BACC1: variants seen among roughly 807,000 people sequenced by gnomAD.
The protein encoded by BACC1 is BPTF associated chromatin complex component 1.
the BACC1 span, chr17:7,015,098 A>G: frequency 6.3e-7 from 1 of 1,575,220 alleles, no homozygotes; most frequent in Non-Finnish European, 8.6e-7. Context: ...CGCCGCCTTC[A>G]CGAAGCTCGG....
chr17:7,017,029 C>G, the BACC1 span: 1 of 1,599,834 alleles, frequency 6.3e-7, no homozygotes. Context: ...GAGTCCTCCT[C>G]CTCCCACACA....
At chr17:7,015,311 A>G in the BACC1 span, 1 of 1,378,330 alleles carries the variant, frequency 7.3e-7, no homozygotes. Flanking sequence ...TGGGTGAGGG[A>G]ATGAATGACA....
At chr17:7,015,599 C>G in the BACC1 span, 1 of 1,378,522 alleles carries the variant, frequency 7.3e-7, no homozygotes, top group East Asian at 2.5e-5. Flanking sequence ...CTCCCGGTTC[C>G]CGCAGGGCCT....
At chr17:7,015,740 C>A in the BACC1 span, 1 of 1,590,650 alleles carries the variant, frequency 6.3e-7, no homozygotes, top group South Asian at 1.1e-5. Context: ...CCCCCCCTCC[C>A]ATTTTTGCTA....
At chr17:7,015,071 ATCT>A in the BACC1 span, 16 of 1,556,834 alleles carry the variant, frequency 1.0e-5, no homozygotes, top group African/African-American at 7.0e-5. Context: ...GGTCGGAGAG[ATCT>A]TCTCGGCGGC....
chr17:7,016,994 A>C, the BACC1 span: 1 of 1,613,862 alleles, frequency 6.2e-7, no homozygotes, highest in Non-Finnish European at 8.5e-7. Context: ...CCTCCAGCTA[A>C]GAAACTCAAC....
chr17:7,014,855 GC>G, the BACC1 span: 7 of 1,537,810 alleles, frequency 4.6e-6, no homozygotes, highest in Non-Finnish European at 6.1e-6. The surrounding 1 kb of genome is among the most constrained non-coding windows in gnomAD (Gnocchi z 4.5). Flanking sequence ...GGCGCGCGGG[GC>G]CATGACGTCA....
chr17:7,015,141 A>G, the BACC1 span: 1 of 1,578,342 alleles, frequency 6.3e-7, no homozygotes, highest in African/African-American at 1.4e-5. Context: ...CCCGTGGCCG[A>G]CTCTTCTCCT....
chr17:7,015,989 C>T, the BACC1 span: 2 of 842,364 alleles, frequency 2.4e-6, no homozygotes, highest in Non-Finnish European at 3.8e-6. Context: ...TACTTTGTCA[C>T]TAGTTTTTTA....
the BACC1 span, chr17:7,014,799 T>C: frequency 6.6e-7 from 1 of 1,520,882 alleles, no homozygotes; most frequent in Non-Finnish European, 8.8e-7. This position sits in a 1 kb window ranked among gnomAD's most constrained non-coding sequence, Gnocchi z 4.5. Flanking sequence ...CTGCTCTCCG[T>C]GGTCCCGGCT....
At chr17:7,016,528 A>G in the BACC1 span, 5 of 1,614,154 alleles carry the variant, frequency 3.1e-6, no homozygotes, top group African/African-American at 1.3e-5. Flanking sequence ...AACGCAAGGT[A>G]TATGAAGATT....
chr17:7,015,439 A>G, the BACC1 span: 1 of 1,363,132 alleles, frequency 7.3e-7, no homozygotes, highest in East Asian at 3.0e-5. Context: ...GAATTCCCCC[A>G]GACGGCTGCA....
At chr17:7,016,199 C>T in the BACC1 span, 1 of 521,834 alleles carries the variant, frequency 1.9e-6, no homozygotes, top group South Asian at 2.5e-5. Context: ...TGACCCTGAA[C>T]TAGTTGATCA....
At chr17:7,015,600 C>A in the BACC1 span, 212 of 1,375,154 alleles carry the variant, frequency 1.5e-4, no homozygotes, top group Admixed American at 7.9e-4. Context: ...TCCCGGTTCC[C>A]GCAGGGCCTC....
At chr17:7,017,334 T>A in the BACC1 span, 2 of 1,602,210 alleles carry the variant, frequency 1.2e-6, no homozygotes, top group Non-Finnish European at 1.7e-6. Flanking sequence ...CTTCCACCTC[T>A]GACCTCTCAC....
the BACC1 span, chr17:7,015,209 G>A: frequency 2.0e-6 from 3 of 1,514,158 alleles, no homozygotes; most frequent in African/African-American, 1.4e-5. Flanking sequence ...CTTGGACTCG[G>A]TCACAGACAC....
At chr17:7,015,203 G>T in the BACC1 span, 3 of 1,521,524 alleles carry the variant, frequency 2.0e-6, no homozygotes, top group Admixed American at 2.2e-5. Flanking sequence ...CGGGCGCTTG[G>T]ACTCGGTCAC....
the BACC1 span, chr17:7,014,920 G>A: frequency 6.6e-7 from 1 of 1,504,228 alleles, no homozygotes; most frequent in South Asian, 1.2e-5. The surrounding 1 kb of genome is among the most constrained non-coding windows in gnomAD (Gnocchi z 4.5). Context: ...GCGGCCACGG[G>A]AGGGCGGGCC....
chr17:7,014,931 C>T, the BACC1 span: 2 of 1,495,764 alleles, frequency 1.3e-6, no homozygotes, highest in Non-Finnish European at 1.8e-6. This position sits in a 1 kb window ranked among gnomAD's most constrained non-coding sequence, Gnocchi z 4.5. Context: ...AGGGCGGGCC[C>T]CCCACTTGGC....
Sources: allele counts gnomAD v4.1 joint callset, GRCh38; gene constraint gnomAD v4.1.1; non-coding constraint Gnocchi (gnomAD v3.1); transcripts MANE v1.5; gene names NCBI Gene and HGNC (gene_info 2026-07-23, HGNC 2026-07-21).